The following PABPC4L variants were observed in gnomAD, a reference collection of about 807,000 sequenced individuals.
PABPC4L encodes poly(A) binding protein cytoplasmic 4 like.
For missense variants in PABPC4L, 452 were observed against 451.4 expected, an observed-to-expected ratio of 1.00 and a Z score of -0.01; for synonymous variants, 169 against 164.1, an observed-to-expected ratio of 1.03 and a Z score of -0.23.
chr4:134,106,024 C>T, the PABPC4L span, among the ~76,000 whole-genome samples: 5 of 151,604 alleles, frequency 3.3e-5, no homozygotes, highest in South Asian at 2.1e-4. Flanking sequence ...AGTCATGTTA[C>T]GCTTATCCTG....
chr4:134,162,266 C>G, the PABPC4L span, among the ~76,000 whole-genome samples: 1 of 151,886 alleles, frequency 6.6e-6, no homozygotes, highest in Non-Finnish European at 1.5e-5. Context: ...AATAGTAAAA[C>G]CAAACAAAGA....
the PABPC4L span, among the ~76,000 whole-genome samples, chr4:134,101,430 A>C: frequency 6.6e-6 from 1 of 151,494 alleles, no homozygotes; most frequent in South Asian, 2.1e-4. Context: ...TCTGCTTTCC[A>C]ACATAAATTC....
At chr4:134,049,081 T>G in the PABPC4L span, among the ~76,000 whole-genome samples, 1 of 152,188 alleles carries the variant, frequency 6.6e-6, no homozygotes, top group Middle Eastern at 3.4e-3. Context: ...GAAGAAATTA[T>G]AATAATTAAG....
the PABPC4L span, among the ~76,000 whole-genome samples, chr4:133,953,871 A>G: frequency 6.6e-6 from 1 of 152,194 alleles, no homozygotes; most frequent in Non-Finnish European, 1.5e-5. Context: ...AACTATAAAG[A>G]TTACATCCTA....
At chr4:133,963,783 A>G in the PABPC4L span, among the ~76,000 whole-genome samples, 1 of 152,140 alleles carries the variant, frequency 6.6e-6, no homozygotes, top group Non-Finnish European at 1.5e-5. Flanking sequence ...CTGAATGACA[A>G]TAGTGACACA....
the PABPC4L span, among the ~76,000 whole-genome samples, chr4:134,093,503 A>G: frequency 6.7e-6 from 1 of 150,372 alleles, no homozygotes; most frequent in Non-Finnish European, 1.5e-5. Flanking sequence ...TTTATAGTTT[A>G]TAGTCTTCGT....
At chr4:134,022,232 G>T in the PABPC4L span, among the ~76,000 whole-genome samples, 1 of 151,942 alleles carries the variant, frequency 6.6e-6, no homozygotes, top group South Asian at 2.1e-4. Context: ...AATACTGTTT[G>T]CCCCAGTATC....
chr4:134,043,257 T>C, the PABPC4L span, among the ~76,000 whole-genome samples: 3 of 152,192 alleles, frequency 2.0e-5, no homozygotes, highest in African/African-American at 7.2e-5. Context: ...GCTATTAGTT[T>C]ATTTAGGTCT....
the PABPC4L span, among the ~76,000 whole-genome samples, chr4:133,981,229 A>G: frequency 2.0e-5 from 3 of 152,084 alleles, no homozygotes; most frequent in South Asian, 4.1e-4. Context: ...CTTTTATGTC[A>G]TTGGTTTATT....
At chr4:134,006,728 A>G in the PABPC4L span, among the ~76,000 whole-genome samples, 1 of 151,864 alleles carries the variant, frequency 6.6e-6, no homozygotes, top group Non-Finnish European at 1.5e-5. Flanking sequence ...CCACTTCTAC[A>G]TTACATTCTC....
the PABPC4L span, among the ~76,000 whole-genome samples, chr4:134,019,598 T>C: frequency 2.0e-5 from 3 of 152,190 alleles, no homozygotes; most frequent in South Asian, 6.2e-4. Context: ...ATTATTCTCA[T>C]AGTTTTCATT....
chr4:134,050,839 C>T, the PABPC4L span, among the ~76,000 whole-genome samples: 53,578 of 149,736 alleles, frequency 0.36, 11,789 homozygotes, highest in East Asian at 0.92. Flanking sequence ...AAATCACAGA[C>T]GTGGCCCGAC....
In PABPC4L at chr4:134,199,467, A is replaced by G. The variant is rs1729773611; in HGVS notation, c.*440T>C. On this transcript the variant is annotated 3_prime_UTR_variant, in exon 2 of 2. Coordinates refer to ENST00000421491, the MANE Select transcript of PABPC4L (RefSeq NM_001114734.2). ...TGATTTCTCAAAACTTGGATGAAAA[A>G]TTAGAAAATTTCTGTTGGTAAAAAT... 1 of 152,494 alleles carries G rather than the reference A, an allele frequency of 6.6e-6. No individual in the cohort carries two copies. Among genetic ancestry groups the G allele is most frequent in the African/African-American group, 2.4e-5 (1 of 41,470 alleles). The allele number at this position is 152,494 out of a possible 1,614,324, so 9.4% of individuals were successfully genotyped here.
chr4:134,011,362 C>T, the PABPC4L span, among the ~76,000 whole-genome samples: 1 of 151,856 alleles, frequency 6.6e-6, no homozygotes, highest in East Asian at 1.9e-4. Context: ...AATGAGGATG[C>T]TGGTGTCATA....
At chr4:134,150,169 G>A in the PABPC4L span, among the ~76,000 whole-genome samples, 2 of 149,154 alleles carry the variant, frequency 1.3e-5, no homozygotes, top group African/African-American at 5.0e-5. Flanking sequence ...TGCAACCTCC[G>A]CCTCCCGGGT....
At chr4:134,161,498 T>G in the PABPC4L span, among the ~76,000 whole-genome samples, 5 of 152,004 alleles carry the variant, frequency 3.3e-5, no homozygotes, top group Admixed American at 6.6e-5. Flanking sequence ...GTAAAAACCT[T>G]AGAGATCAGG....
chr4:134,184,078 AATGAAG>A, the PABPC4L span, among the ~76,000 whole-genome samples: 1 of 151,896 alleles, frequency 6.6e-6, no homozygotes, highest in Non-Finnish European at 1.5e-5. Flanking sequence ...CACTCTCTGA[AATGAAG>A]ACATCTTATC....
chr4:134,001,794 A>G, the PABPC4L span, among the ~76,000 whole-genome samples: 1 of 152,128 alleles, frequency 6.6e-6, no homozygotes, highest in Non-Finnish European at 1.5e-5. Context: ...AAAGACATCA[A>G]AACAATTATA....
At chr4:134,123,522 A>T in the PABPC4L span, among the ~76,000 whole-genome samples, 1 of 152,082 alleles carries the variant, frequency 6.6e-6, no homozygotes, top group African/African-American at 2.4e-5. Context: ...TGCCATGAGC[A>T]TCGATTTAGT....
Sources: gnomAD v4.1 joint callset for allele counts (sites outside exome capture counted in the v4.1 genomes callset) on GRCh38, gnomAD v4.1.1 for gene constraint, MANE v1.5 for transcripts, NCBI Gene and HGNC (gene_info 2026-07-23, HGNC 2026-07-21) for gene names.